The following TUSC3 variants were observed in gnomAD, a reference collection of about 807,000 sequenced individuals.
The protein encoded by TUSC3 is dolichyl-diphosphooligosaccharide--protein glycosyltransferase subunit TUSC3.
In TUSC3, 45 loss-of-function variants were observed where a neutral mutation model predicts 44.8. The observed-to-expected ratio is 1.00, with a 90% CI of 0.79 to 1.29. The LOEUF is 1.29. Ranked by LOEUF, TUSC3 falls within the 50% of genes most tolerant of loss-of-function variation. The pLI is 0.00. For missense variants in TUSC3, 519 were observed against 437.9 expected, an observed-to-expected ratio of 1.19 and a Z score of -1.65; for synonymous variants, 212 against 152.9, an observed-to-expected ratio of 1.39 and a Z score of -2.85.
chr8:15,671,973 A>G (rs550630573), intron 5 of TUSC3, among the ~76,000 whole-genome samples: 15 of 152,134 alleles, frequency 9.9e-5, no homozygotes, highest in African/African-American at 3.4e-4. Flanking sequence ...GCCTCCAGTA[A>G]GTAATTGTCA....
chr8:15,807,161 C>T, the TUSC3 span: 57 of 830,268 alleles, frequency 6.9e-5, no homozygotes, highest in Non-Finnish European at 1.1e-4. Flanking sequence ...CAATCACAGC[C>T]GTATGTGCAT....
intron 2 of TUSC3, among the ~76,000 whole-genome samples, chr8:15,635,121 G>A (rs1806007391): frequency 6.6e-6 from 1 of 152,048 alleles, no homozygotes; most frequent in South Asian, 2.1e-4. Context: ...TTTCCTCAAG[G>A]TAACTGTCAA....
chr8:15,491,133 G>C (rs982208875), intron 2 of TUSC3, among the ~76,000 whole-genome samples: 10 of 152,188 alleles, frequency 6.6e-5, no homozygotes, highest in African/African-American at 1.9e-4. Context: ...TTTTATATAA[G>C]ATAAAATAAA....
intron 6 of TUSC3, among the ~76,000 whole-genome samples, chr8:15,696,485 TGTG>T (rs1482895368): frequency 1.3e-5 from 2 of 151,992 alleles, no homozygotes; most frequent in East Asian, 3.9e-4. Flanking sequence ...GGAAGGGAAA[TGTG>T]GGGTCAAAGC....
intron 1 of TUSC3, among the ~76,000 whole-genome samples, chr8:15,620,089 A>G (rs1216392373): frequency 2.6e-5 from 4 of 152,182 alleles, no homozygotes; most frequent in African/African-American, 9.7e-5. Context: ...GCAAATTAAA[A>G]TAAGATACCA....
At chr8:15,515,246 A>G (rs1563271407) in intron 2 of TUSC3, among the ~76,000 whole-genome samples, 1 of 152,176 alleles carries the variant, frequency 6.6e-6, no homozygotes, top group Non-Finnish European at 1.5e-5. Flanking sequence ...TTCCAAGGAC[A>G]ACTAAAAAAT....
At chr8:15,806,877 T>C in the TUSC3 span, 1 of 1,165,540 alleles carries the variant, frequency 8.6e-7, no homozygotes, top group Admixed American at 1.7e-5. Context: ...ATAATTATGT[T>C]GGGGAGAAAG....
At chr8:15,468,587 T>G (rs770877820) in intron 1 of TUSC3, among the ~76,000 whole-genome samples, 17 of 152,154 alleles carry the variant, frequency 1.1e-4, no homozygotes, top group Non-Finnish European at 1.6e-4. Flanking sequence ...AATTTAGATC[T>G]GATGCCCCCC....
At chr8:15,673,625 A>G (rs759786342) in intron 5 of TUSC3, 122 bp from the exon 6 acceptor site, 29 of 829,536 alleles carry the variant, frequency 3.5e-5, no homozygotes, top group Non-Finnish European at 5.6e-5. Flanking sequence ...GAAATTTTTT[A>G]AAATGTGTGA....
At chr8:15,832,236 C>G in the TUSC3 span, among the ~76,000 whole-genome samples, 47 of 152,218 alleles carry the variant, frequency 3.1e-4, no homozygotes, top group African/African-American at 8.2e-4. Context: ...TCTAGGCAAG[C>G]AAATACTGAG....
chr8:15,696,078 A>G (rs1414067412), intron 6 of TUSC3, among the ~76,000 whole-genome samples: 1 of 152,214 alleles, frequency 6.6e-6, no homozygotes, highest in African/African-American at 2.4e-5. Flanking sequence ...CTGAATGTTA[A>G]TCCCCAAGAC....
At chr8:15,822,193 G>C in the TUSC3 span, among the ~76,000 whole-genome samples, 1 of 151,560 alleles carries the variant, frequency 6.6e-6, no homozygotes, top group Non-Finnish European at 1.5e-5. Context: ...AGAAAAAAAC[G>C]GGTGAACTGT....
At chr8:15,756,824 G>GCT (rs1563208417) in intron 9 of TUSC3, among the ~76,000 whole-genome samples, 2 of 152,100 alleles carry the variant, frequency 1.3e-5, no homozygotes, top group African/African-American at 4.8e-5. Flanking sequence ...AAAATAGTTA[G>GCT]TTATTCCCCA....
chr8:15,490,266 G>A (rs975647326), intron 2 of TUSC3, among the ~76,000 whole-genome samples: 1 of 152,170 alleles, frequency 6.6e-6, no homozygotes, highest in African/African-American at 2.4e-5. Flanking sequence ...GTTACCAGAG[G>A]GCAGGAGACA....
In TUSC3 at chr8:15,478,684, A is replaced by C. The variant is rs116119772; in HGVS notation, n.92-4702A>C. 9.6e-3 allele frequency among the ~76,000 whole-genome samples: 1,468 copies of C among 152,204 alleles called. 25 individuals carry two copies. Among genetic ancestry groups the C allele is most frequent in the African/African-American group, 0.034 (1,391 of 41,522 alleles). ...ATTTTCTTTATCCAGGCTATTACAG[A>C]TGGGTATTTGTGTTGGTTCTATGTC... On this transcript the variant is annotated intron_variant and non_coding_transcript_variant, in intron 1 of 5. Transcript: ENST00000503191.
At chr8:15,769,842 A>C (rs962771197), downstream of TUSC3, among the ~76,000 whole-genome samples, 2 of 152,234 alleles carry the variant, frequency 1.3e-5, no homozygotes, top group African/African-American at 4.8e-5. Flanking sequence ...GGCATTAGAG[A>C]GATGCAAATT....
chr8:15,737,929 C>T (rs760768435), intron 7 of TUSC3, among the ~76,000 whole-genome samples: 5 of 151,970 alleles, frequency 3.3e-5, no homozygotes, highest in Non-Finnish European at 7.4e-5. Context: ...TCTTTTTCAG[C>T]CAAAAATGTT....
chr8:15,656,317 C>G (rs979658665), intron 3 of TUSC3, among the ~76,000 whole-genome samples: 2 of 152,036 alleles, frequency 1.3e-5, no homozygotes, highest in African/African-American at 4.8e-5. Context: ...ATGATTCATC[C>G]TGAGGCAAAT....
At chr8:15,836,426 G>C in the TUSC3 span, among the ~76,000 whole-genome samples, 140 of 150,444 alleles carry the variant, frequency 9.3e-4, no homozygotes, top group African/African-American at 2.7e-3. Flanking sequence ...GCAGTGAGCT[G>C]GGATCACACC....
Sources: allele counts gnomAD v4.1 joint callset (sites outside exome capture counted in the v4.1 genomes callset), GRCh38; gene constraint gnomAD v4.1.1; transcripts MANE v1.5; gene names NCBI Gene and HGNC (gene_info 2026-07-23, HGNC 2026-07-21).